Variants in CIB2 observed in about 807,000 individuals in gnomAD.
The protein encoded by CIB2 is calcium and integrin-binding family member 2.
A neutral mutation model predicts 23.1 loss-of-function variants in CIB2; 19 were observed. The observed-to-expected ratio is 0.82, with a 90% confidence interval of 0.57 to 1.21. The LOEUF is 1.21. Ranked by LOEUF, CIB2 falls within the 50% of genes most tolerant of loss-of-function variation. The probability of loss-of-function intolerance (pLI) is 0.00; values close to 1 mark genes in which losing one functional copy is unlikely to be tolerated. For missense variants in CIB2, 220 were observed against 241.5 expected, an observed-to-expected ratio of 0.91 and a Z score of 0.59; for synonymous variants, 94 against 91.7, an observed-to-expected ratio of 1.03 and a Z score of -0.14.
intron 1 of CIB2, among the ~76,000 whole-genome samples, chr15:78,127,327 GTTCCT>G (rs2141919454): frequency 6.6e-6 from 1 of 152,246 alleles, no homozygotes; most frequent in East Asian, 1.9e-4. Flanking sequence ...TCACTGCTTG[GTTCCT>G]GACAGTACAC....
At position 78,105,007 on chromosome 15, in the gene CIB2, CT is replaced by C. The variant is rs11341856; in HGVS notation, c.*303del. On this transcript the variant is annotated 3_prime_UTR_variant, in exon 6 of 6. Coordinates refer to ENST00000258930, the MANE Select transcript of CIB2 (RefSeq NM_006383.4). ...CCTGTTGGGTTATCTGCTTTTCCCT[CT>C]TTGGGGGGGTGGGGAGCATTTCTGG... 411,334 of 411,476 alleles carry C rather than the reference CT, an allele frequency of 1. 205,597 individuals are homozygous for C. Among genetic ancestry groups the C allele is most frequent in the East Asian group, 1 (22,080 of 22,084 alleles). 25.5% of individuals were successfully genotyped at this position (411,476 alleles called of 1,614,324 possible).
At chr15:78,128,216 C>G (rs1054226961) in intron 1 of CIB2, among the ~76,000 whole-genome samples, 2 of 152,130 alleles carry the variant, frequency 1.3e-5, no homozygotes, top group Non-Finnish European at 2.9e-5. Context: ...GTCAGGGAGC[C>G]CGTCCCAAAG....
In CIB2 at chr15:78,105,315, A is replaced by T. The variant is rs775668127; in HGVS notation, c.560T>A (p.Ile187Asn). 1 of 1,613,976 alleles carries T rather than the reference A, an allele frequency of 6.2e-7. No homozygotes were observed. The highest frequency in any genetic ancestry group is 8.5e-7 in the Non-Finnish European group (1 of 1,179,960). ...PDFLSTFHIR[I>N] Reference sequence around the variant, plus strand: ...CCTACAGCCTCGGCAGTGTCCTCAGATCCGGATGTGGAAAGTGCTAGAAAG... The same window carrying T: ...CCTACAGCCTCGGCAGTGTCCTCAGTTCCGGATGTGGAAAGTGCTAGAAAG... Residue 187 changes from isoleucine to asparagine, a missense_variant, in exon 6 of 6, where the codon ATC becomes AAC. Ile to Asn is a moderately radical substitution (Grantham distance 149). Transcript: ENST00000258930.
chr15:78,115,463 T>C (rs892824105), intron 2 of CIB2, among the ~76,000 whole-genome samples: 1 of 151,900 alleles, frequency 6.6e-6, no homozygotes, highest in African/African-American at 2.4e-5. Context: ...GGTTTCGTCA[T>C]GCTGGCCAGG....
At chr15:78,115,204 A>G (rs1246160839) in intron 2 of CIB2, among the ~76,000 whole-genome samples, 1 of 152,204 alleles carries the variant, frequency 6.6e-6, no homozygotes, top group African/African-American at 2.4e-5. Context: ...GCTAACTTTT[A>G]CTTGTTATTT....
intron 2 of CIB2, among the ~76,000 whole-genome samples, chr15:78,121,947 G>A (rs2074326316): frequency 6.6e-6 from 1 of 152,188 alleles, no homozygotes; most frequent in African/African-American, 2.4e-5. Flanking sequence ...GTGGGAGTGG[G>A]AGCAGGAGAA....
chr15:78,124,347 C>T (rs2074356179), intron 1 of CIB2, among the ~76,000 whole-genome samples: 1 of 151,714 alleles, frequency 6.6e-6, no homozygotes, highest in Admixed American at 6.6e-5. Flanking sequence ...GCAGGGGGAA[C>T]CAGGTAGCAT....
At chr15:78,111,768 G>A (rs1480051991) in intron 2 of CIB2, among the ~76,000 whole-genome samples, 1 of 152,164 alleles carries the variant, frequency 6.6e-6, no homozygotes, top group Admixed American at 6.5e-5. Flanking sequence ...GGAGCATCAA[G>A]GGCCATGGGT....
In CIB2 at chr15:78,131,159, G is replaced by C. The variant is rs764140956; in HGVS notation, c.51+6C>G. On this transcript the variant is annotated splice_donor_region_variant and intron_variant, in intron 1 of 5. Coordinates refer to ENST00000258930, the MANE Select transcript of CIB2 (RefSeq NM_006383.4). This position sits in a 1 kb window ranked among gnomAD's most constrained non-coding sequence, Gnocchi z 5.8. ...CTGTGTTGGGGGCCGGGCGCGCCGA[G>C]CTCACCTGGTAGTTGTCTAGCTGCT... 3 of 1,585,306 alleles carry C rather than the reference G, an allele frequency of 1.9e-6. No individual in the cohort carries two copies. Among genetic ancestry groups the C allele is most frequent in the Non-Finnish European group, 2.6e-6 (3 of 1,167,418 alleles).
At chr15:78,119,079 C>G (rs1257759550) in intron 2 of CIB2, among the ~76,000 whole-genome samples, 2 of 150,886 alleles carry the variant, frequency 1.3e-5, no homozygotes, top group African/African-American at 4.9e-5. Context: ...AATTGGGTGG[C>G]TGAGGCAGGA....
At position 78,108,214 on chromosome 15, in the gene CIB2, AAAAAAG is replaced by A. The variant is rs891685627; in HGVS notation, c.346+1015_346+1020del. 5.3e-5 allele frequency among the ~76,000 whole-genome samples: 8 copies of A among 151,868 alleles called. No homozygotes were observed. The South Asian group carries it at 6.2e-4, about 12-fold the overall frequency. ...GGGACTCTGTCTCAAAAAAAAAAAAAAAAAAGAAAAGAAAAGAAAAAAGAAAGCAAA... is the reference window on the plus strand; with the variant it reads ...GGGACTCTGTCTCAAAAAAAAAAAAAAAAAGAAAAGAAAAAAGAAAGCAAA... On this transcript the variant is annotated intron_variant, in intron 4 of 5. Coordinates refer to ENST00000258930, the MANE Select transcript of CIB2 (RefSeq NM_006383.4).
intron 2 of CIB2, among the ~76,000 whole-genome samples, 196 bp downstream of exon 2, chr15:78,123,509 G>A (rs2074345222): frequency 6.6e-6 from 1 of 152,172 alleles, no homozygotes; most frequent in South Asian, 2.1e-4. Context: ...CCAGCAGGAG[G>A]ATCTGGGCCC....
At chr15:78,126,061 G>C (rs942784578) in intron 1 of CIB2, among the ~76,000 whole-genome samples, 3 of 152,058 alleles carry the variant, frequency 2.0e-5, no homozygotes, top group African/African-American at 7.2e-5. Flanking sequence ...CAGCAAAGTT[G>C]AGTAGCTTGC....
At position 78,131,223 on chromosome 15, in the gene CIB2, G is replaced by C; in HGVS notation, c.-8C>G. 6.7e-7 allele frequency: 1 copy of C among 1,502,134 alleles called. No homozygotes were observed. Among genetic ancestry groups the C allele is most frequent in the Non-Finnish European group, 8.9e-7 (1 of 1,122,454 alleles). The allele number at this position is 1,502,134 out of a possible 1,614,324, so 93.1% of individuals were successfully genotyped here. A position where few individuals can be genotyped will look rare whatever the true frequency, so the allele number is the denominator to read the frequency against. ...GGTCTGCTTGTTCCCCATGGTGGCC[G>C]CCGCGCCGCCGCTCGCCCGCCCGGG... On this transcript the variant is annotated 5_prime_UTR_variant, in exon 1 of 6. Transcript: ENST00000258930. The surrounding 1 kb of genome is among the most constrained non-coding windows in gnomAD (Gnocchi z 5.8).
chr15:78,116,663 G>A (rs1413425643), intron 2 of CIB2, among the ~76,000 whole-genome samples: 1 of 152,064 alleles, frequency 6.6e-6, no homozygotes, highest in African/African-American at 2.4e-5. Flanking sequence ...TACTGGAGAG[G>A]AGGCAAGTTA....
intron 2 of CIB2, among the ~76,000 whole-genome samples, chr15:78,118,482 A>G (rs552945622): frequency 5.2e-4 from 79 of 151,236 alleles, no homozygotes; most frequent in Middle Eastern, 3.4e-3. Flanking sequence ...CCAGCTACTC[A>G]GGAGGCTGAG....
chr15:78,109,565 T>A, intron 3 of CIB2, 183 bp from the exon 4 acceptor site: 1 of 673,874 alleles, frequency 1.5e-6, no homozygotes, highest in South Asian at 1.7e-5. Flanking sequence ...TGGGATTAAA[T>A]GAGCTAAAGT....
intron 2 of CIB2, among the ~76,000 whole-genome samples, chr15:78,116,956 G>T (rs1433405805): frequency 2.5e-5 from 3 of 119,768 alleles, no homozygotes; most frequent in African/African-American, 3.5e-5. Flanking sequence ...CAATTTAAAA[G>T]AACCAAAAAA....
intron 1 of CIB2, among the ~76,000 whole-genome samples, chr15:78,124,160 G>C (rs1034137694): frequency 5.9e-5 from 9 of 152,090 alleles, no homozygotes; most frequent in Admixed American, 5.2e-4. Flanking sequence ...CATCCTCACT[G>C]TAGCCCTGAG....
Sources: allele counts gnomAD v4.1 joint callset (sites outside exome capture counted in the v4.1 genomes callset), GRCh38; gene constraint gnomAD v4.1.1; non-coding constraint Gnocchi (gnomAD v3.1); transcripts MANE v1.5; gene names NCBI Gene and HGNC (gene_info 2026-07-23, HGNC 2026-07-21).